Variants in ZNRF1 observed in about 807,000 individuals in gnomAD.
The protein encoded by ZNRF1 is E3 ubiquitin-protein ligase ZNRF1.
Under a neutral mutation model 18.4 loss-of-function variants are expected in ZNRF1, and 3 were observed. The ratio of observed to expected loss-of-function variants is 0.16; its 90% confidence interval spans 0.07 to 0.42. The LOEUF (loss-of-function observed/expected upper bound fraction) is 0.42, where lower values mean the gene tolerates loss of function less well. Ranked by LOEUF, ZNRF1 falls within the 10% of genes least tolerant of loss-of-function variation. The pLI, the probability that ZNRF1 is intolerant of heterozygous loss-of-function variation, is 0.99. For synonymous variants in ZNRF1, 157 were observed against 144.2 expected (o/e 1.09, Z -0.64); for missense variants, 310 against 329.8 (o/e 0.94, Z 0.47).
chr16:75,098,664 CA>C (rs1485402029), intron 2 of ZNRF1, among the ~76,000 whole-genome samples: 3 of 152,220 alleles, frequency 2.0e-5, no homozygotes, highest in Non-Finnish European at 2.9e-5. Flanking sequence ...GAAATGAGGT[CA>C]GGGGGTGGAA....
Position 75,109,717 on chromosome 16 carries a change from C to A in ZNRF1, c.*2017C>A, listed in dbSNP as rs546404251. 3.3e-5 allele frequency: 5 copies of A among 152,354 alleles called. No homozygotes were observed. The highest frequency in any genetic ancestry group is 7.2e-5 in the African/African-American group (3 of 41,464). 9.4% of individuals were successfully genotyped at this position (152,354 alleles called of 1,614,324 possible). A position where few individuals can be genotyped will look rare whatever the true frequency, so the allele number is the denominator to read the frequency against. On this transcript the variant is annotated 3_prime_UTR_variant, in exon 5 of 5. Transcript: ENST00000335325. The stretch of plus-strand genomic sequence containing the variant: ...TCTTGGGGAAACGACTTCATCTGAA[C>A]TTCAGATATTTCACATGTGAAGCGG...
intron 1 of ZNRF1, among the ~76,000 whole-genome samples, chr16:75,055,219 A>G (rs971279290): frequency 6.6e-6 from 1 of 152,228 alleles, no homozygotes; most frequent in Non-Finnish European, 1.5e-5. Flanking sequence ...TTCTAAAGGA[A>G]CTGTTTCTCA....
intron 1 of ZNRF1, among the ~76,000 whole-genome samples, chr16:75,047,796 T>C (rs946700667): frequency 6.6e-6 from 1 of 152,166 alleles, no homozygotes; most frequent in Non-Finnish European, 1.5e-5. Flanking sequence ...ACAACAGAAA[T>C]GTATTTTCTC....
intron 1 of ZNRF1, among the ~76,000 whole-genome samples, chr16:75,092,727 C>G (rs1378882574): frequency 6.6e-6 from 1 of 152,140 alleles, no homozygotes; most frequent in African/African-American, 2.4e-5. Flanking sequence ...ACACACATCT[C>G]AAAGGACAGT....
rs972003029 is a variant in ZNRF1 at position 75,065,124 on chromosome 16, A to G, written c.425-28448A>G. On this transcript the variant is annotated intron_variant, in intron 1 of 4. Transcript: ENST00000335325. Reference sequence around the variant, plus strand: ...TGCAACGAGAAATTATACCAATCCCATTGCCTTGGCAATTATAGTATTACA... The same window carrying G: ...TGCAACGAGAAATTATACCAATCCCGTTGCCTTGGCAATTATAGTATTACA... Among the ~76,000 whole-genome samples, 2 of 152,272 alleles carry G rather than the reference A, an allele frequency of 1.3e-5. 1 individual carries two copies. Among genetic ancestry groups the G allele is most frequent in the Non-Finnish European group, 2.9e-5 (2 of 68,048 alleles).
intron 1 of ZNRF1, among the ~76,000 whole-genome samples, chr16:75,004,205 G>C (rs1250243159): frequency 6.6e-6 from 1 of 152,118 alleles, no homozygotes; most frequent in Non-Finnish European, 1.5e-5. Context: ...CTGGTTCTGT[G>C]TCCTAAAGTC....
At chr16:75,070,774 A>T (rs1046069375) in intron 1 of ZNRF1, among the ~76,000 whole-genome samples, 2 of 152,092 alleles carry the variant, frequency 1.3e-5, no homozygotes, top group African/African-American at 4.8e-5. Context: ...ATCGGATCAG[A>T]TAGTGATCCT....
intron 1 of ZNRF1, among the ~76,000 whole-genome samples, chr16:75,073,164 C>CTA (rs1555513189): frequency 3.3e-5 from 5 of 149,860 alleles, no homozygotes; most frequent in Non-Finnish European, 5.9e-5. Flanking sequence ...GTCTCTCTGT[C>CTA]TATATATATG....
At chr16:75,048,447 G>A (rs973698179) in intron 1 of ZNRF1, among the ~76,000 whole-genome samples, 2 of 152,104 alleles carry the variant, frequency 1.3e-5, no homozygotes, top group East Asian at 1.9e-4. Context: ...TGCTGGCTTG[G>A]CTCTCTAATT....
intron 1 of ZNRF1, among the ~76,000 whole-genome samples, chr16:75,036,685 C>G (rs1208795064): frequency 1.3e-5 from 2 of 149,828 alleles, no homozygotes; most frequent in South Asian, 4.2e-4. Context: ...CATTTTCTTT[C>G]TCAGCTGTTC....
chr16:75,106,461 C>T (rs766608689), intron 3 of ZNRF1, 21 bp from the exon 4 acceptor site: 2 of 1,614,074 alleles, frequency 1.2e-6, no homozygotes, highest in Non-Finnish European at 1.7e-6. Context: ...CGTGGTTTCC[C>T]TTGCGGCCCC....
chr16:75,098,879 T>A (rs1293083125), intron 2 of ZNRF1, among the ~76,000 whole-genome samples: 1 of 152,044 alleles, frequency 6.6e-6, no homozygotes, highest in Non-Finnish European at 1.5e-5. Flanking sequence ...CACCCCTCCA[T>A]ACTTCTAGCA....
At chr16:75,042,870 C>T (rs139782976) in intron 1 of ZNRF1, among the ~76,000 whole-genome samples, 10 of 152,242 alleles carry the variant, frequency 6.6e-5, no homozygotes, top group African/African-American at 9.6e-5. Context: ...TTATAATAAG[C>T]GAAGGCCTGC....
At chr16:75,093,753 GT>G in intron 2 of ZNRF1, 86 bp downstream of exon 2, 1 of 1,061,842 alleles carries the variant, frequency 9.4e-7, no homozygotes. Flanking sequence ...GTCGAGGGTG[GT>G]TCTGGGCAGT....
At chr16:75,096,061 CGTGTGT>C (rs56013949) in intron 2 of ZNRF1, among the ~76,000 whole-genome samples, 2,913 of 139,706 alleles carry the variant, frequency 0.021, 113 homozygotes, top group African/African-American at 0.066. Context: ...TATGTGTGCA[CGTGTGT>C]GTGTGTGTGT....
intron 1 of ZNRF1, among the ~76,000 whole-genome samples, chr16:75,044,962 CAGA>C (rs532339022): frequency 8.1e-4 from 123 of 152,264 alleles, no homozygotes; most frequent in African/African-American, 2.6e-3. Context: ...ATACTTCCAC[CAGA>C]AGAAGGAGGT....
intron 1 of ZNRF1, among the ~76,000 whole-genome samples, chr16:75,064,719 A>T (rs1567483824): frequency 6.6e-6 from 1 of 152,208 alleles, no homozygotes; most frequent in African/African-American, 2.4e-5. Flanking sequence ...GCCCCACTCC[A>T]TGAAAGAGCT....
At chr16:75,002,403 C>G (rs1011101450) in intron 1 of ZNRF1, 7 of 152,134 alleles carry the variant, frequency 4.6e-5, no homozygotes, top group Admixed American at 3.3e-4. Context: ...TCTTCTGTTG[C>G]AAGATTGGAA....
At chr16:75,038,627 G>A (rs1296197150) in intron 1 of ZNRF1, among the ~76,000 whole-genome samples, 1 of 152,182 alleles carries the variant, frequency 6.6e-6, no homozygotes, top group African/African-American at 2.4e-5. Flanking sequence ...ATTTACCACA[G>A]AACACTTTCC....
Sources: gnomAD v4.1 joint callset for allele counts (sites outside exome capture counted in the v4.1 genomes callset) on GRCh38, gnomAD v4.1.1 for gene constraint, MANE v1.5 for transcripts, NCBI Gene and HGNC (gene_info 2026-07-23, HGNC 2026-07-21) for gene names.